Variants in UNC5D observed in about 807,000 individuals in gnomAD.
UNC5D encodes the protein unc-5 netrin receptor D.
In UNC5D, 39 loss-of-function variants were observed where a neutral mutation model predicts 105.4. That is an observed-to-expected ratio of 0.37 (90% CI 0.29 to 0.48). The LOEUF (loss-of-function observed/expected upper bound fraction) is 0.48, where lower values mean the gene tolerates loss of function less well. Among genes scored for constraint, UNC5D ranks in the 20% least tolerant of loss-of-function variants. The pLI is 0.98. For synonymous variants in UNC5D, 452 were observed against 450.4 expected, an observed-to-expected ratio of 1.00 and a Z score of -0.04; for missense variants, 991 against 1,202.4, an observed-to-expected ratio of 0.82 and a Z score of 2.60.
intron 1 of UNC5D, among the ~76,000 whole-genome samples, chr8:35,283,314 T>C (rs1216302975): frequency 1.3e-5 from 2 of 152,238 alleles, no homozygotes; most frequent in Non-Finnish European, 2.9e-5. Context: ...AGTCTGTGCC[T>C]GCAGCATCAA....
intron 4 of UNC5D, among the ~76,000 whole-genome samples, chr8:35,607,684 C>T (rs1820392865): frequency 6.6e-6 from 1 of 151,986 alleles, no homozygotes; most frequent in South Asian, 2.1e-4. Context: ...GGGCTTTTTT[C>T]CTCTTTGATG....
intron 1 of UNC5D, among the ~76,000 whole-genome samples, chr8:35,533,672 C>G (rs893465683): frequency 1.3e-5 from 2 of 152,230 alleles, no homozygotes; most frequent in Non-Finnish European, 2.9e-5. Flanking sequence ...AGTTTGATCT[C>G]AGACTGCTGT....
intron 4 of UNC5D, among the ~76,000 whole-genome samples, chr8:35,644,583 T>C (rs1822936422): frequency 6.6e-6 from 1 of 152,174 alleles, no homozygotes; most frequent in Non-Finnish European, 1.5e-5. Flanking sequence ...ATCTCTGGGC[T>C]GATTATATCA....
At chr8:35,484,424 A>G (rs1052752817) in intron 1 of UNC5D, among the ~76,000 whole-genome samples, 2 of 152,124 alleles carry the variant, frequency 1.3e-5, no homozygotes, top group Non-Finnish European at 2.9e-5. Context: ...ATCCTCTAAT[A>G]TATCCCTATT....
intron 8 of UNC5D, among the ~76,000 whole-genome samples, chr8:35,719,908 T>G (rs937845764): frequency 6.6e-6 from 1 of 152,188 alleles, no homozygotes; most frequent in African/African-American, 2.4e-5. Context: ...TACTCATTTT[T>G]AAAATTTTAT....
chr8:35,276,483 G>T (rs955752200), intron 1 of UNC5D, among the ~76,000 whole-genome samples: 2 of 152,142 alleles, frequency 1.3e-5, no homozygotes, highest in South Asian at 4.1e-4. Flanking sequence ...TGTACTTCAG[G>T]CACTTTCAAG....
At chr8:35,379,493 G>C (rs773835220) in intron 1 of UNC5D, among the ~76,000 whole-genome samples, 8 of 152,164 alleles carry the variant, frequency 5.3e-5, no homozygotes, top group Non-Finnish European at 8.8e-5. Flanking sequence ...GCTGTTGTCT[G>C]TTCCCTTTCT....
chr8:35,713,079 A>G (rs1233828927), intron 8 of UNC5D, among the ~76,000 whole-genome samples: 1 of 152,030 alleles, frequency 6.6e-6, no homozygotes, highest in African/African-American at 2.4e-5. Flanking sequence ...TTTATGATCT[A>G]ATGTTTATTC....
In UNC5D at chr8:35,364,516, T is replaced by C. The variant is rs143321039; in HGVS notation, c.103+128629T>C. On this transcript the variant is annotated intron_variant, in intron 1 of 16. Transcript: ENST00000404895. ...TGGAATTAGGGTGTTTTACCAATGA[T>C]TCCTGGTTGCTTTTATTACAGAATA... Among the ~76,000 whole-genome samples, 446 of 152,320 alleles carry C rather than the reference T, an allele frequency of 2.9e-3. 3 individuals carry two copies. Among genetic ancestry groups the C allele is most frequent in the African/African-American group, 0.01 (416 of 41,576 alleles).
At chr8:35,374,406 T>A (rs1802579936) in intron 1 of UNC5D, among the ~76,000 whole-genome samples, 1 of 152,174 alleles carries the variant, frequency 6.6e-6, no homozygotes, top group Non-Finnish European at 1.5e-5. Context: ...GAAAAGTTAC[T>A]ATGAAAGCAG....
chr8:35,780,007 C>CAGATTCATGAGATGGGAAG (rs1462587188), intron 16 of UNC5D, among the ~76,000 whole-genome samples: 1 of 152,086 alleles, frequency 6.6e-6, no homozygotes, highest in Admixed American at 6.5e-5. Context: ...GCTATGGGAA[C>CAGATTCATGAGATGGGAAG]AGATTCATGA....
intron 1 of UNC5D, among the ~76,000 whole-genome samples, chr8:35,300,072 A>G (rs1807815357): frequency 6.6e-6 from 1 of 152,156 alleles, no homozygotes; most frequent in Non-Finnish European, 1.5e-5. Context: ...TGGATGAGGA[A>G]GGAGTAGAAG....
At chr8:35,381,963 A>G (rs1803070173) in intron 1 of UNC5D, among the ~76,000 whole-genome samples, 1 of 152,248 alleles carries the variant, frequency 6.6e-6, no homozygotes, top group South Asian at 2.1e-4. Context: ...TGTAGTACAG[A>G]AACACTGCCA....
chr8:35,469,890 G>T (rs1353760926), intron 1 of UNC5D, among the ~76,000 whole-genome samples: 1 of 152,060 alleles, frequency 6.6e-6, no homozygotes, highest in South Asian at 2.1e-4. Flanking sequence ...GCCCTTTCTT[G>T]GTTGTACGGG....
intron 1 of UNC5D, among the ~76,000 whole-genome samples, chr8:35,380,009 A>G (rs1166286179): frequency 3.4e-5 from 5 of 145,494 alleles, no homozygotes; most frequent in Non-Finnish European, 1.5e-5. Flanking sequence ...CACCCATGAT[A>G]AAGGCCCCAG....
At chr8:35,498,705 C>T (rs1020236986) in intron 1 of UNC5D, among the ~76,000 whole-genome samples, 3 of 152,096 alleles carry the variant, frequency 2.0e-5, no homozygotes, top group Non-Finnish European at 4.4e-5. Context: ...ATTTCGTCAT[C>T]AGGCATCAGC....
At chr8:35,365,494 C>T (rs957762553) in intron 1 of UNC5D, among the ~76,000 whole-genome samples, 1 of 145,658 alleles carries the variant, frequency 6.9e-6, no homozygotes, top group African/African-American at 2.5e-5. Flanking sequence ...GAAGCCCCTA[C>T]AACATGTACT....
intron 1 of UNC5D, among the ~76,000 whole-genome samples, chr8:35,296,349 A>G (rs760251320): frequency 2.0e-5 from 3 of 152,138 alleles, no homozygotes; most frequent in Non-Finnish European, 4.4e-5. Context: ...GATAGTAGCC[A>G]TCCTAATAGG....
At chr8:35,715,313 A>G (rs535308616) in intron 8 of UNC5D, among the ~76,000 whole-genome samples, 2 of 151,774 alleles carry the variant, frequency 1.3e-5, no homozygotes, top group South Asian at 4.1e-4. Context: ...GGACAGTTAC[A>G]TATTTTTTTT....
Sources: allele counts gnomAD v4.1 joint callset (sites outside exome capture counted in the v4.1 genomes callset), GRCh38; gene constraint gnomAD v4.1.1; transcripts MANE v1.5; gene names NCBI Gene and HGNC (gene_info 2026-07-23, HGNC 2026-07-21).